Variants in SLC22A3 observed in about 807,000 individuals in gnomAD.
SLC22A3 encodes EMT organic cation transporter 3.
SLC22A3 carries 51 observed loss-of-function variants against 59.1 expected under a neutral mutation model. The ratio of observed to expected loss-of-function variants is 0.86; its 90% CI spans 0.69 to 1.09. The LOEUF is 1.09. SLC22A3 is among the 50% of genes least tolerant of loss of function. SLC22A3 has a pLI of 0.00. For synonymous variants in SLC22A3, 325 were observed against 292.0 expected (o/e 1.11, Z -1.15); for missense variants, 711 against 726.3 (o/e 0.98, Z 0.24).
intron 1 of SLC22A3, among the ~76,000 whole-genome samples, chr6:160,353,706 G>A (rs1313099054): frequency 1.3e-5 from 2 of 152,082 alleles, no homozygotes; most frequent in African/African-American, 4.8e-5. Flanking sequence ...CGCACACACA[G>A]GGTTTGGAAT....
chr6:160,356,835 T>A (rs1784856409), intron 1 of SLC22A3, among the ~76,000 whole-genome samples: 1 of 152,226 alleles, frequency 6.6e-6, no homozygotes, highest in Admixed American at 6.5e-5. Context: ...GCTAATACTG[T>A]TTTATCTGGG....
intron 1 of SLC22A3, among the ~76,000 whole-genome samples, chr6:160,351,261 G>A (rs955869875): frequency 1.3e-5 from 2 of 152,090 alleles, no homozygotes; most frequent in Non-Finnish European, 2.9e-5. Flanking sequence ...GACTACAGGC[G>A]ACTGCCACCA....
At chr6:160,402,229 G>A (rs1482341548) in intron 2 of SLC22A3, among the ~76,000 whole-genome samples, 1 of 151,922 alleles carries the variant, frequency 6.6e-6, no homozygotes, top group African/African-American at 2.4e-5. Flanking sequence ...AAGTAAAGCA[G>A]AAGTAGCTAT....
intron 1 of SLC22A3, among the ~76,000 whole-genome samples, chr6:160,376,690 C>T (rs560210406): frequency 6.6e-6 from 1 of 152,294 alleles, no homozygotes; most frequent in East Asian, 1.9e-4. Context: ...GCTACTTGTT[C>T]TGTTAAAGTA....
Position 160,348,546 on chromosome 6 carries a change from G to T in SLC22A3, c.127G>T (p.Gly43Cys). The change falls in exon 1 of 11, where the codon GGC becomes TGC. Residue 43 changes from glycine (G) to cysteine (C), a missense_variant. By Grantham distance (159) the Gly-to-Cys change is radical. Coordinates refer to ENST00000275300, the MANE Select transcript of SLC22A3 (RefSeq NM_021977.4). ...AFLFVGVVFL[G>C]TQPDHYWCRG... ...CCTCTTCGTCGGCGTGGTCTTCCTG[G>T]GCACGCAGCCCGACCACTACTGGTG... 1 of 1,556,762 alleles carries T rather than the reference G, an allele frequency of 6.4e-7. No homozygotes were observed. The highest frequency in any genetic ancestry group is 8.6e-7 in the Non-Finnish European group (1 of 1,160,718).
chr6:160,423,339 A>G (rs980354644), intron 5 of SLC22A3, among the ~76,000 whole-genome samples: 13 of 152,240 alleles, frequency 8.5e-5, no homozygotes, highest in Non-Finnish European at 1.5e-5. Flanking sequence ...TCCTCTGGGT[A>G]TATACCCAGT....
rs760327789 is a variant in SLC22A3 at position 160,408,795 on chromosome 6, T to C, written c.731T>C (p.Ile244Thr). ...VGSKQRRIVG[I>T]VIQMFFTLGI... The stretch of plus-strand genomic sequence containing the variant: ...TCGAAACAAAGGAGGATTGTGGGAA[T>C]CGTGATTCAAATGTTCTTTACCCTT... The change falls in exon 4 of 11, where the codon ATC becomes ACC. Residue 244 changes from isoleucine (I) to threonine (T), a missense_variant. Ile to Thr is a moderately conservative substitution (Grantham distance 89). Transcript: ENST00000275300. 3 of 1,613,672 alleles carry C rather than the reference T, an allele frequency of 1.9e-6. No homozygotes were observed. Among genetic ancestry groups the C allele is most frequent in the African/African-American group, 1.3e-5 (1 of 74,886 alleles).
chr6:160,418,312 T>C (rs1295841399), intron 5 of SLC22A3, among the ~76,000 whole-genome samples: 1 of 152,214 alleles, frequency 6.6e-6, no homozygotes, highest in Non-Finnish European at 1.5e-5. Context: ...CTCCAGGTTC[T>C]TCTTGCACTT....
At chr6:160,384,766 G>C (rs755202918) in intron 1 of SLC22A3, among the ~76,000 whole-genome samples, 52 of 152,202 alleles carry the variant, frequency 3.4e-4, no homozygotes, top group Non-Finnish European at 6.9e-4. Context: ...GCCTCATTGT[G>C]ACTCCGCTCC....
chr6:160,418,250 C>T (rs942833027), intron 5 of SLC22A3, among the ~76,000 whole-genome samples: 1 of 152,156 alleles, frequency 6.6e-6, no homozygotes, highest in Non-Finnish European at 1.5e-5. Flanking sequence ...GCTGAGTCTT[C>T]TAGCTTTCAT....
At chr6:160,391,938 C>T (rs985439414) in intron 1 of SLC22A3, among the ~76,000 whole-genome samples, 2 of 152,238 alleles carry the variant, frequency 1.3e-5, no homozygotes, top group African/African-American at 4.8e-5. Flanking sequence ...CGAAGCTTAG[C>T]TGCCTAACCT....
intron 1 of SLC22A3, among the ~76,000 whole-genome samples, chr6:160,396,297 TA>T (rs1786467537): frequency 6.6e-6 from 1 of 152,224 alleles, no homozygotes; most frequent in African/African-American, 2.4e-5. Context: ...TAAGACTAAT[TA>T]TAAGTAAATG....
chr6:160,386,228 A>G (rs548069821), intron 1 of SLC22A3, among the ~76,000 whole-genome samples: 1 of 152,196 alleles, frequency 6.6e-6, no homozygotes, highest in East Asian at 1.9e-4. Context: ...TTCTGCCCAT[A>G]TATCTCACTC....
chr6:160,348,934 G>A (rs1474306229), intron 1 of SLC22A3, 86 bp downstream of exon 1: 4 of 1,531,456 alleles, frequency 2.6e-6, no homozygotes, highest in Non-Finnish European at 3.5e-6. Context: ...GACGCTGGCC[G>A]CCAGGGGAGG....
intron 2 of SLC22A3, among the ~76,000 whole-genome samples, chr6:160,398,431 C>CTT (rs1181864795): frequency 6.6e-6 from 1 of 152,194 alleles, no homozygotes; most frequent in Non-Finnish European, 1.5e-5. Context: ...TCAGTAACAA[C>CTT]TTACTGATTG....
intron 4 of SLC22A3, among the ~76,000 whole-genome samples, chr6:160,410,010 A>G (rs1258393342): frequency 2.0e-5 from 3 of 152,190 alleles, no homozygotes; most frequent in African/African-American, 7.2e-5. Context: ...ACAGAAAAGC[A>G]TTTGATTTTT....
intron 1 of SLC22A3, among the ~76,000 whole-genome samples, chr6:160,355,520 G>T (rs958732464): frequency 6.6e-6 from 1 of 152,002 alleles, no homozygotes; most frequent in African/African-American, 2.4e-5. Flanking sequence ...CCAGCACTTT[G>T]GGAGGCCAAG....
chr6:160,432,088 T>G (rs1426583432), intron 5 of SLC22A3, among the ~76,000 whole-genome samples: 1 of 152,228 alleles, frequency 6.6e-6, no homozygotes, highest in African/African-American at 2.4e-5. Context: ...AGAAAAAAGA[T>G]TTCTTCAGGA....
chr6:160,418,470 C>T (rs1787598780), intron 5 of SLC22A3, among the ~76,000 whole-genome samples: 1 of 152,174 alleles, frequency 6.6e-6, no homozygotes, highest in Non-Finnish European at 1.5e-5. Flanking sequence ...TATCGTGGGA[C>T]TTCACCTTGT....
Sources: allele counts gnomAD v4.1 joint callset (sites outside exome capture counted in the v4.1 genomes callset), GRCh38; gene constraint gnomAD v4.1.1; transcripts MANE v1.5; gene names NCBI Gene and HGNC (gene_info 2026-07-23, HGNC 2026-07-21).